Variants in CNTN5 observed in about 807,000 individuals in gnomAD.
The protein encoded by CNTN5 is contactin 5, also known as contactin-5.
In CNTN5, 77 loss-of-function variants were observed where a neutral mutation model predicts 129.1. The ratio of observed to expected loss-of-function variants is 0.60; its 90% CI spans 0.50 to 0.72. CNTN5 has a LOEUF of 0.72. CNTN5 is among the 30% of genes least tolerant of loss of function. The probability of loss-of-function intolerance (pLI) is 0.00; values close to 1 mark genes in which losing one functional copy is unlikely to be tolerated. For missense variants in CNTN5, 1,478 were observed against 1,328.8 expected (o/e 1.11, Z -1.75); for synonymous variants, 509 against 465.6 (o/e 1.09, Z -1.20).
In CNTN5 at chr11:99,999,047, A is replaced by G. The variant is rs547096012; in HGVS notation, c.878-2987A>G. 5.0e-3 allele frequency among the ~76,000 whole-genome samples: 764 copies of G among 152,262 alleles called. 7 individuals carry two copies. Among genetic ancestry groups the G allele is most frequent in the Non-Finnish European group, 8.7e-3 (591 of 68,026 alleles). Reference sequence around the variant, plus strand: ...CTTAAACGTTAGACCTAAAACCATAAAAACCCTAGAAGAAAACCTAGGCAA... The same window carrying G: ...CTTAAACGTTAGACCTAAAACCATAGAAACCCTAGAAGAAAACCTAGGCAA... On this transcript the variant is annotated intron_variant, in intron 8 of 24. Coordinates refer to ENST00000524871, the MANE Select transcript of CNTN5 (RefSeq NM_014361.4).
chr11:99,788,987 A>G (rs1317115154), intron 3 of CNTN5, among the ~76,000 whole-genome samples: 1 of 151,788 alleles, frequency 6.6e-6, no homozygotes, highest in Non-Finnish European at 1.5e-5. Context: ...TTATTTCTAA[A>G]CCTTTTATTA....
intron 16 of CNTN5, among the ~76,000 whole-genome samples, chr11:100,238,999 G>C (rs942077198): frequency 9.9e-5 from 15 of 152,132 alleles, no homozygotes; most frequent in Non-Finnish European, 2.1e-4. Flanking sequence ...TGGCATAATT[G>C]GGTTCTCTGT....
chr11:99,668,695 G>A (rs996573352), intron 3 of CNTN5, among the ~76,000 whole-genome samples: 7 of 152,112 alleles, frequency 4.6e-5, no homozygotes, highest in African/African-American at 9.7e-5. Context: ...TTGGGAGGCC[G>A]AGGTGCGCAG....
At chr11:100,023,353 T>C (rs888670595) in intron 9 of CNTN5, among the ~76,000 whole-genome samples, 5 of 152,184 alleles carry the variant, frequency 3.3e-5, no homozygotes, top group African/African-American at 1.2e-4. Context: ...AAGAACTTTA[T>C]TGTTTAGAGC....
intron 1 of CNTN5, among the ~76,000 whole-genome samples, chr11:99,060,145 T>C (rs1019097909): frequency 3.3e-5 from 5 of 152,000 alleles, no homozygotes; most frequent in East Asian, 1.9e-4. Context: ...TACCAGTAAA[T>C]GTGGGTATGT....
chr11:100,230,831 T>C (rs1045554402), intron 16 of CNTN5, among the ~76,000 whole-genome samples: 19 of 152,220 alleles, frequency 1.2e-4, no homozygotes, highest in African/African-American at 3.1e-4. Context: ...CTCTTCAAAT[T>C]TGAGAAAAGT....
At chr11:99,363,126 A>T (rs1939226039) in intron 2 of CNTN5, among the ~76,000 whole-genome samples, 1 of 152,202 alleles carries the variant, frequency 6.6e-6, no homozygotes, top group African/African-American at 2.4e-5. Context: ...TCTTCTTAAC[A>T]ATATTTTCTT....
At position 100,308,347 on chromosome 11, in the gene CNTN5, T is replaced by A. The variant is rs1420680057; in HGVS notation, c.2621-12T>A. ...AACTTTTTATAATTGTGGTTTATTT[T>A]CCTTCATACAGAACCCAGTGCTGCT... On this transcript the variant is annotated splice_polypyrimidine_tract_variant and intron_variant, in intron 20 of 24. Coordinates refer to ENST00000524871, the MANE Select transcript of CNTN5 (RefSeq NM_014361.4). The A allele has an allele frequency of 6.2e-7, 1 of 1,602,790 alleles. No individual in the cohort carries two copies. The highest frequency in any genetic ancestry group is 8.5e-7 in the Non-Finnish European group (1 of 1,175,224).
chr11:99,265,123 A>G (rs1302959547), intron 1 of CNTN5, among the ~76,000 whole-genome samples: 1 of 151,978 alleles, frequency 6.6e-6, no homozygotes, highest in Non-Finnish European at 1.5e-5. Context: ...TGCTCTTTCC[A>G]AAAGAATTAA....
At position 100,356,472 on chromosome 11, in the gene CNTN5, A is replaced by G. The variant is rs1483098073; in HGVS notation, c.*252A>G. ...CAGATTGTATGTAATGAATTTTTGT[A>G]AACAAAGGTAATTTCTGTCAAATGT... On this transcript the variant is annotated 3_prime_UTR_variant, in exon 25 of 25. Coordinates refer to ENST00000524871, the MANE Select transcript of CNTN5 (RefSeq NM_014361.4). 2.1e-6 allele frequency: 1 copy of G among 474,204 alleles called. No individual in the cohort carries two copies. Among genetic ancestry groups the G allele is most frequent in the Non-Finnish European group, 3.7e-6 (1 of 267,644 alleles). The allele number at this position is 474,204 out of a possible 1,614,324, so 29.4% of individuals were successfully genotyped here. A position where few individuals can be genotyped will look rare whatever the true frequency, so the allele number is the denominator to read the frequency against.
chr11:99,519,048 G>A (rs1192777884), intron 2 of CNTN5, among the ~76,000 whole-genome samples: 1 of 151,858 alleles, frequency 6.6e-6, no homozygotes, highest in African/African-American at 2.4e-5. Context: ...ATTTCTCCTG[G>A]AATAAAGACA....
chr11:99,120,144 AT>A (rs1858237913), intron 1 of CNTN5: 1 of 151,964 alleles, frequency 6.6e-6, no homozygotes, highest in African/African-American at 2.4e-5. Flanking sequence ...CAATTTGTCA[AT>A]TTTTGCTTTT....
chr11:99,650,100 A>C (rs587925), intron 3 of CNTN5, among the ~76,000 whole-genome samples: 2 of 151,608 alleles, frequency 1.3e-5, no homozygotes, highest in Non-Finnish European at 3.0e-5. Flanking sequence ...ATGCCAATCT[A>C]AAAAATGAAA....
intron 3 of CNTN5, among the ~76,000 whole-genome samples, chr11:99,735,591 T>A (rs1411664177): frequency 1.3e-5 from 2 of 152,228 alleles, no homozygotes; most frequent in East Asian, 1.9e-4. Flanking sequence ...AATATTATTT[T>A]AGTAGAATAA....
intron 6 of CNTN5, among the ~76,000 whole-genome samples, chr11:99,856,370 T>TAGA (rs1231433329): frequency 2.0e-5 from 3 of 152,176 alleles, no homozygotes; most frequent in African/African-American, 7.2e-5. Flanking sequence ...AGGCTCAGAT[T>TAGA]AGATACACCT....
intron 3 of CNTN5, among the ~76,000 whole-genome samples, chr11:99,770,789 A>G (rs1474500056): frequency 6.7e-6 from 1 of 149,208 alleles, no homozygotes; most frequent in Non-Finnish European, 1.5e-5. Flanking sequence ...TGGATTTTTT[A>G]CAGTTATTAG....
chr11:99,960,354 T>C (rs1445807705), intron 8 of CNTN5, among the ~76,000 whole-genome samples: 1 of 141,526 alleles, frequency 7.1e-6, no homozygotes, highest in African/African-American at 2.8e-5. Context: ...TAAGCTACTT[T>C]TATGTTTTTT....
chr11:99,466,127 C>G (rs1944931904), intron 2 of CNTN5, among the ~76,000 whole-genome samples: 1 of 152,132 alleles, frequency 6.6e-6, no homozygotes, highest in South Asian at 2.1e-4. Context: ...CGTGATCCAC[C>G]CGCCTTGGCC....
At chr11:99,612,541 T>C (rs1463567643) in intron 3 of CNTN5, among the ~76,000 whole-genome samples, 1 of 152,178 alleles carries the variant, frequency 6.6e-6, no homozygotes, top group Non-Finnish European at 1.5e-5. Flanking sequence ...TAAACCCATA[T>C]TGTCTTCTTT....
Sources: allele counts gnomAD v4.1 joint callset (sites outside exome capture counted in the v4.1 genomes callset), GRCh38; gene constraint gnomAD v4.1.1; transcripts MANE v1.5; gene names NCBI Gene and HGNC (gene_info 2026-07-23, HGNC 2026-07-21).